Variants in PAPPA observed in about 807,000 individuals in gnomAD.
PAPPA encodes pappalysin-1.
In PAPPA, 60 loss-of-function variants were observed where a neutral mutation model predicts 164.0. That is an observed-to-expected ratio of 0.37 (90% CI 0.30 to 0.45). The LOEUF (loss-of-function observed/expected upper bound fraction) is 0.45. PAPPA is among the 20% of genes least tolerant of loss of function. The pLI is 1.00. For missense variants in PAPPA, 1,782 were observed against 2,087.3 expected, an observed-to-expected ratio of 0.85 and a Z score of 2.85; for synonymous variants, 875 against 814.1, an observed-to-expected ratio of 1.07 and a Z score of -1.27.
At chr9:116,253,748 A>G (rs1844889012) in intron 7 of PAPPA, among the ~76,000 whole-genome samples, 1 of 152,220 alleles carries the variant, frequency 6.6e-6, no homozygotes, top group Non-Finnish European at 1.5e-5. Flanking sequence ...AATTCTTTTG[A>G]GAAGACTAAT....
In PAPPA at chr9:116,264,099, G is replaced by T. The variant is rs375956003; in HGVS notation, c.2733-1758G>T. Among the ~76,000 whole-genome samples the T allele has an allele frequency of 1.3e-3, 191 of 152,160 alleles. 2 individuals are homozygous for T. In the South Asian group the frequency reaches 0.015, roughly 12 times the overall value. On this transcript the variant is annotated intron_variant, in intron 7 of 21. Coordinates refer to ENST00000328252, the MANE Select transcript of PAPPA (RefSeq NM_002581.5). The stretch of plus-strand genomic sequence containing the variant: ...AGAAAAAAATGAACGCATAATACAA[G>T]GCATGTCATATTTATCATGTAACTT...
intron 7 of PAPPA, 128 bp downstream of exon 7, chr9:116,235,765 C>T (rs970806387): frequency 1.1e-6 from 1 of 879,200 alleles, no homozygotes; most frequent in East Asian, 2.4e-5. Flanking sequence ...GATTGTAACC[C>T]ATCATTGGGT....
At position 116,264,055 on chromosome 9, in the gene PAPPA, A is replaced by G. The variant is rs578072143; in HGVS notation, c.2733-1802A>G. Among the ~76,000 whole-genome samples the G allele has an allele frequency of 2.0e-5, 3 of 152,318 alleles. No individual in the cohort carries two copies. In the East Asian group the frequency reaches 5.8e-4, roughly 29 times the overall value. ...ACAATGTGGCCGTTTAAAAAATATA[A>G]AGCATGCCTCTGTATTTTAGAAAAA... On this transcript the variant is annotated intron_variant, in intron 7 of 21. Coordinates refer to ENST00000328252, the MANE Select transcript of PAPPA (RefSeq NM_002581.5).
intron 10 of PAPPA, among the ~76,000 whole-genome samples, chr9:116,308,942 GA>G (rs1453201839): frequency 3.9e-5 from 6 of 152,096 alleles, no homozygotes; most frequent in East Asian, 1.9e-4. Context: ...GATATGGGGA[GA>G]AAAAAATAAT....
intron 9 of PAPPA, among the ~76,000 whole-genome samples, chr9:116,294,756 C>T (rs549675540): frequency 2.0e-5 from 3 of 152,146 alleles, no homozygotes; most frequent in Non-Finnish European, 4.4e-5. Context: ...TTATTGAACC[C>T]ATCTCTAAAT....
intron 9 of PAPPA, among the ~76,000 whole-genome samples, chr9:116,295,860 C>A (rs552155140): frequency 6.6e-6 from 1 of 152,296 alleles, no homozygotes; most frequent in African/African-American, 2.4e-5. Flanking sequence ...GGAGGAGGGC[C>A]TGTCCTGATT....
chr9:116,299,890 T>C (rs950619289), intron 9 of PAPPA, among the ~76,000 whole-genome samples: 3 of 152,136 alleles, frequency 2.0e-5, no homozygotes, highest in Non-Finnish European at 4.4e-5. Context: ...TTTTTTTTTT[T>C]TTCAGATGAG....
intron 7 of PAPPA, among the ~76,000 whole-genome samples, chr9:116,242,237 C>T (rs1844744939): frequency 6.6e-6 from 1 of 152,028 alleles, no homozygotes; most frequent in South Asian, 2.1e-4. Context: ...GTAAGGAGGG[C>T]TTCTTGGAAG....
At chr9:116,355,932 G>A (rs952460792) in intron 17 of PAPPA, among the ~76,000 whole-genome samples, 1 of 152,118 alleles carries the variant, frequency 6.6e-6, no homozygotes, top group Non-Finnish European at 1.5e-5. Context: ...TCAGATCAGG[G>A]CCTGAGAGCC....
chr9:116,261,342 TTAAGGAG>T (rs1844998639), intron 7 of PAPPA, among the ~76,000 whole-genome samples: 1 of 152,102 alleles, frequency 6.6e-6, no homozygotes, highest in Admixed American at 6.5e-5. Flanking sequence ...TAATGAGTAT[TTAAGGAG>T]CTCAGAGAGA....
At chr9:116,393,873 G>C (rs142580068) in intron 21 of PAPPA, among the ~76,000 whole-genome samples, 54 of 152,292 alleles carry the variant, frequency 3.5e-4, no homozygotes, top group African/African-American at 1.3e-3. Context: ...TGTAAGATCT[G>C]AGACTTATGT....
At chr9:116,313,491 T>G (rs1254163927) in intron 10 of PAPPA, among the ~76,000 whole-genome samples, 1 of 152,222 alleles carries the variant, frequency 6.6e-6, no homozygotes, top group Non-Finnish European at 1.5e-5. Flanking sequence ...ATGTCTGCAG[T>G]GCAACTGACT....
At chr9:116,302,245 A>G (rs537382614) in intron 9 of PAPPA, among the ~76,000 whole-genome samples, 1 of 152,312 alleles carries the variant, frequency 6.6e-6, no homozygotes, top group South Asian at 2.1e-4. Context: ...CACACAACAC[A>G]AGGTCTACCT....
Position 116,188,227 on chromosome 9 carries a change from A to C in PAPPA, c.1478+11A>C, listed in dbSNP as rs1844001827. Reference sequence around the variant, plus strand: ...CGACTCTCCACACAGGTAAGACCTTACTGGGCTAAAGATGCCCAGTTGAAA... The same window carrying C: ...CGACTCTCCACACAGGTAAGACCTTCCTGGGCTAAAGATGCCCAGTTGAAA... On this transcript the variant is annotated intron_variant, in intron 2 of 21. Coordinates refer to ENST00000328252, the MANE Select transcript of PAPPA (RefSeq NM_002581.5). The C allele has an allele frequency of 6.3e-7, 1 of 1,587,622 alleles. No individual in the cohort carries two copies. The highest frequency in any genetic ancestry group is 8.6e-7 in the Non-Finnish European group (1 of 1,159,608).
chr9:116,318,150 T>C (rs2118921382), intron 10 of PAPPA: 1 of 152,256 alleles, frequency 6.6e-6, no homozygotes, highest in East Asian at 1.9e-4. Flanking sequence ...GCCCATTTGA[T>C]ATTAAGATCT....
intron 18 of PAPPA, among the ~76,000 whole-genome samples, chr9:116,365,698 A>C (rs1017977400): frequency 1.5e-4 from 23 of 151,800 alleles, no homozygotes; most frequent in African/African-American, 5.3e-4. Context: ...TCTCATGATA[A>C]AGCACACTCC....
intron 10 of PAPPA, among the ~76,000 whole-genome samples, chr9:116,312,350 T>A (rs185135054): frequency 6.7e-6 from 1 of 149,852 alleles, no homozygotes; most frequent in East Asian, 2.0e-4. Context: ...TCAGCCAGCA[T>A]GGCCTTTGCT....
At position 116,188,145 on chromosome 9, in the gene PAPPA, TGG is replaced by T; in HGVS notation, c.1408_1409del (p.Gly470TrpfsTer5). ...GCAACTATGAACGGTTCAACTTTGATGGTGGAGAGTGCTGTGACCCTGAAATC... is the reference window on the plus strand; with the variant it reads ...GCAACTATGAACGGTTCAACTTTGATTGGAGAGTGCTGTGACCCTGAAATC... ...DCNYERFNFD[G>X]GECCDPEITN... On this transcript the variant is annotated frameshift_variant, in exon 2 of 22. Coordinates refer to ENST00000328252, the MANE Select transcript of PAPPA (RefSeq NM_002581.5). LOFTEE classifies it high-confidence loss of function. 1 of 1,614,196 alleles carries T rather than the reference TGG, an allele frequency of 6.2e-7. No individual in the cohort carries two copies. Among genetic ancestry groups the T allele is most frequent in the Non-Finnish European group, 8.5e-7 (1 of 1,180,030 alleles).
chr9:116,372,096 C>A (rs1846583091), intron 19 of PAPPA, among the ~76,000 whole-genome samples: 1 of 152,270 alleles, frequency 6.6e-6, no homozygotes, highest in African/African-American at 2.4e-5. Flanking sequence ...TGTACATGCA[C>A]TTTTCAAAGT....
Sources: allele counts gnomAD v4.1 joint callset (sites outside exome capture counted in the v4.1 genomes callset), GRCh38; gene constraint gnomAD v4.1.1; transcripts MANE v1.5; gene names NCBI Gene and HGNC (gene_info 2026-07-23, HGNC 2026-07-21).